The following PATJ variants were observed in gnomAD, a reference collection of about 807,000 sequenced individuals.
The protein encoded by PATJ is inaD-like protein.
PATJ carries 190 observed loss-of-function variants against 224.9 expected under a neutral mutation model. The ratio of observed to expected loss-of-function variants is 0.84; its 90% CI spans 0.75 to 0.95. The LOEUF (loss-of-function observed/expected upper bound fraction) is 0.95, where lower values mean the gene tolerates loss of function less well. PATJ is among the 40% of genes least tolerant of loss of function. The pLI, the probability that PATJ is intolerant of heterozygous loss-of-function variation, is 0.00. For synonymous variants in PATJ, 769 were observed against 820.3 expected, an observed-to-expected ratio of 0.94 and a Z score of 1.07; for missense variants, 2,121 against 2,270.3, an observed-to-expected ratio of 0.93 and a Z score of 1.34.
chr1:61,787,222 G>A (rs966050406), intron 7 of PATJ, among the ~76,000 whole-genome samples: 40 of 152,132 alleles, frequency 2.6e-4, no homozygotes, highest in Non-Finnish European at 8.8e-5. Context: ...AACTCTGCTC[G>A]ATGCCTTCTC....
At position 62,099,347 on chromosome 1, in the gene PATJ, C is replaced by CTTTTTTTTTTTTTTTTT. The variant is rs71050197; in HGVS notation, c.4378-9076_4378-9060dup. 2.7e-4 allele frequency among the ~76,000 whole-genome samples: 15 copies of CTTTTTTTTTTTTTTTTT among 55,676 alleles called. 3 individuals are homozygous for CTTTTTTTTTTTTTTTTT. The highest frequency in any genetic ancestry group is 1.0e-3 in the African/African-American group (13 of 12,842). 36.5% of individuals were successfully genotyped at this position (55,676 alleles called of 152,430 possible). On this transcript the variant is annotated intron_variant, in intron 33 of 43. Transcript: ENST00000642238. Reference sequence around the variant, plus strand: ...ATTTTTTTGTATACAATATCTCCAACTTTTTTTTTTTTTTTTTTTTTTTTT... The same window carrying CTTTTTTTTTTTTTTTTT: ...ATTTTTTTGTATACAATATCTCCAACTTTTTTTTTTTTTTTTTTTTTTTTTTTTTTTTTTTTTTTTTT...
At chr1:61,800,649 T>C (rs1270559201) in intron 11 of PATJ, among the ~76,000 whole-genome samples, 1 of 152,234 alleles carries the variant, frequency 6.6e-6, no homozygotes. Flanking sequence ...GTTACATATA[T>C]GTACATGTGC....
At chr1:61,749,058 C>A (rs1645181086) in intron 1 of PATJ, among the ~76,000 whole-genome samples, 1 of 151,838 alleles carries the variant, frequency 6.6e-6, no homozygotes, top group Admixed American at 6.6e-5. Context: ...CTCACTGCAA[C>A]CTCCATCTCC....
In PATJ at chr1:61,984,082, A is replaced by G. The variant is rs569697929; in HGVS notation, c.3671-6086A>G. On this transcript the variant is annotated intron_variant, in intron 27 of 43. Coordinates refer to ENST00000642238, the MANE Select transcript of PATJ (RefSeq NM_001350145.3). ...TTAAGCAATCTTTCTGCCTTCCAAA[A>G]TGCTGGGATGATGCACCTGGCCCCC... 2.8e-4 allele frequency among the ~76,000 whole-genome samples: 42 copies of G among 151,992 alleles called. 1 individual carries two copies. Among genetic ancestry groups the G allele is most frequent in the African/African-American group, 1.0e-3 (42 of 41,354 alleles).
chr1:62,065,607 CA>C (rs1312736923), intron 31 of PATJ, among the ~76,000 whole-genome samples: 1 of 151,436 alleles, frequency 6.6e-6, no homozygotes, highest in African/African-American at 2.4e-5. Context: ...GACTCTGTCT[CA>C]AAAAAAATAA....
intron 30 of PATJ, 44 bp from the exon 31 acceptor site, chr1:62,050,922 G>A (rs1442216790): frequency 7.0e-7 from 1 of 1,425,162 alleles, no homozygotes; most frequent in African/African-American, 1.4e-5. Flanking sequence ...GGGAGTGTAA[G>A]TGAAGAATGA....
In PATJ at chr1:62,050,313, G is replaced by A. The variant is rs150060152; in HGVS notation, c.4033-653G>A. ...GGTAACAGAATGGCTAACTCAAACC[G>A]GTTGAAGCAAAAGGAAATGTATTAG... is the stretch of plus-strand genomic sequence containing the variant. On this transcript the variant is annotated intron_variant, in intron 30 of 43. Coordinates refer to ENST00000642238, the MANE Select transcript of PATJ (RefSeq NM_001350145.3). 1.5e-3 allele frequency among the ~76,000 whole-genome samples: 235 copies of A among 152,250 alleles called. 1 individual carries two copies. Among genetic ancestry groups the A allele is most frequent in the Admixed American group, 0.011 (161 of 15,298 alleles).
intron 28 of PATJ, among the ~76,000 whole-genome samples, chr1:62,012,249 C>A (rs1160303810): frequency 2.0e-5 from 3 of 152,080 alleles, no homozygotes; most frequent in African/African-American, 7.2e-5. Context: ...GATGATATGA[C>A]CTCTGGGTAT....
At chr1:61,925,969 A>G (rs1290923540) in intron 26 of PATJ, among the ~76,000 whole-genome samples, 1 of 152,240 alleles carries the variant, frequency 6.6e-6, no homozygotes, top group Non-Finnish European at 1.5e-5. Context: ...CTACCAGACA[A>G]AATTAATATG....
At chr1:62,014,076 C>A (rs1570038936) in intron 28 of PATJ, among the ~76,000 whole-genome samples, 1 of 152,004 alleles carries the variant, frequency 6.6e-6, no homozygotes, top group South Asian at 2.1e-4. Context: ...ACCCAGCCCC[C>A]CATTCTTCTC....
At chr1:62,157,195 G>C (rs1275027779) in intron 43 of PATJ, among the ~76,000 whole-genome samples, 1 of 150,470 alleles carries the variant, frequency 6.6e-6, no homozygotes, top group Non-Finnish European at 1.5e-5. Flanking sequence ...ATAGTGGCAG[G>C]TGCCTGTAAT....
chr1:62,047,986 G>A (rs1290399941), intron 30 of PATJ, among the ~76,000 whole-genome samples: 1 of 152,184 alleles, frequency 6.6e-6, no homozygotes, highest in Non-Finnish European at 1.5e-5. Flanking sequence ...TACTGAAAAG[G>A]AAGAACGAGA....
chr1:61,746,779 AAAAAAGAAACT>A (rs1251369569), intron 1 of PATJ, among the ~76,000 whole-genome samples: 1 of 152,248 alleles, frequency 6.6e-6, no homozygotes, highest in Non-Finnish European at 1.5e-5. Flanking sequence ...GAAAATTTTC[AAAAAAGAAACT>A]AAAAGTACAC....
chr1:62,003,449 A>G (rs1645910476), intron 28 of PATJ, among the ~76,000 whole-genome samples: 1 of 152,164 alleles, frequency 6.6e-6, no homozygotes, highest in Non-Finnish European at 1.5e-5. Flanking sequence ...GTTTGAGAGA[A>G]AATAAATCTC....
At chr1:62,098,026 T>C (rs1661598714) in intron 33 of PATJ, among the ~76,000 whole-genome samples, 1 of 152,054 alleles carries the variant, frequency 6.6e-6, no homozygotes, top group Admixed American at 6.6e-5. Flanking sequence ...CCCAGCACTT[T>C]GAGAGGCGGA....
At chr1:62,028,653 C>T (rs1392544173) in intron 29 of PATJ, among the ~76,000 whole-genome samples, 1 of 152,044 alleles carries the variant, frequency 6.6e-6, no homozygotes, top group South Asian at 2.1e-4. Context: ...TGTGGTGGCA[C>T]ACACCTGTGG....
At chr1:62,095,574 C>T (rs1449692010) in intron 33 of PATJ, among the ~76,000 whole-genome samples, 1 of 152,180 alleles carries the variant, frequency 6.6e-6, no homozygotes, top group Non-Finnish European at 1.5e-5. Context: ...ATTCATCAAC[C>T]CCTGCCTCAT....
At chr1:61,957,464 T>C (rs1256044737) in intron 27 of PATJ, among the ~76,000 whole-genome samples, 1 of 152,102 alleles carries the variant, frequency 6.6e-6, no homozygotes, top group African/African-American at 2.4e-5. Context: ...GCTTTCCGTC[T>C]TTTTTTTCTT....
intron 25 of PATJ, among the ~76,000 whole-genome samples, chr1:61,911,020 ACTTTC>A (rs1160312605): frequency 6.6e-6 from 1 of 152,114 alleles, no homozygotes; most frequent in Non-Finnish European, 1.5e-5. Flanking sequence ...TAAATTTTGA[ACTTTC>A]CTTAAAACCC....
Sources: gnomAD v4.1 joint callset for allele counts (sites outside exome capture counted in the v4.1 genomes callset) on GRCh38, gnomAD v4.1.1 for gene constraint, MANE v1.5 for transcripts, NCBI Gene and HGNC (gene_info 2026-07-23, HGNC 2026-07-21) for gene names.